Variants in ARHGEF26 observed in about 807,000 individuals in gnomAD.
ARHGEF26 encodes the protein Rho guanine nucleotide exchange factor 26.
In ARHGEF26, 59 loss-of-function variants were observed where a neutral mutation model predicts 89.4. The ratio of observed to expected loss-of-function variants is 0.66; its 90% CI spans 0.54 to 0.82. The LOEUF is 0.82. Among genes scored for constraint, ARHGEF26 ranks in the 40% least tolerant of loss-of-function variants. The probability of loss-of-function intolerance (pLI) is 0.00; values close to 1 mark genes in which losing one functional copy is unlikely to be tolerated. For missense variants in ARHGEF26, 1,234 were observed against 1,085.6 expected, an observed-to-expected ratio of 1.14 and a Z score of -1.92; for synonymous variants, 500 against 428.4, an observed-to-expected ratio of 1.17 and a Z score of -2.06.
rs951798161 is a variant in ARHGEF26 at position 154,129,451 on chromosome 3, A to G, written c.1124-123A>G. On this transcript the variant is annotated intron_variant, in intron 3 of 14. Transcript: ENST00000465093. ...TCTGTAATTATTCTTCAGGGACTAAATCTGTTTGTCTCTCTGTTTATAAAA... is the reference window on the plus strand; with the variant it reads ...TCTGTAATTATTCTTCAGGGACTAAGTCTGTTTGTCTCTCTGTTTATAAAA... 4.7e-5 allele frequency: 51 copies of G among 1,082,998 alleles called. No individual in the cohort carries two copies. In the Middle Eastern group the frequency reaches 1.7e-3, roughly 36 times the overall value. 67.1% of individuals were successfully genotyped at this position (1,082,998 alleles called of 1,614,324 possible).
intron 11 of ARHGEF26, among the ~76,000 whole-genome samples, chr3:154,235,791 A>G (rs1195049739): frequency 6.6e-6 from 1 of 152,152 alleles, no homozygotes; most frequent in East Asian, 1.9e-4. Context: ...CAGATTACCC[A>G]AAGTCCTTCC....
chr3:154,142,966 C>G (rs1029855989), intron 4 of ARHGEF26, among the ~76,000 whole-genome samples: 1 of 152,148 alleles, frequency 6.6e-6, no homozygotes, highest in African/African-American at 2.4e-5. Flanking sequence ...CTTTTATCTA[C>G]AGGTGGTCAT....
chr3:154,199,023 G>A (rs2108205189), intron 9 of ARHGEF26, among the ~76,000 whole-genome samples: 1 of 151,836 alleles, frequency 6.6e-6, no homozygotes, highest in African/African-American at 2.4e-5. Flanking sequence ...TGGAGAATGG[G>A]GTATCCATCC....
intron 4 of ARHGEF26, 108 bp from the exon 5 acceptor site, chr3:154,149,281 T>G: frequency 1.5e-6 from 1 of 679,642 alleles, no homozygotes; most frequent in Middle Eastern, 3.5e-4. Context: ...TTTTGTATAG[T>G]TTCTCCTAAT....
chr3:154,168,275 G>T (rs1463345470), intron 6 of ARHGEF26, among the ~76,000 whole-genome samples: 1 of 151,932 alleles, frequency 6.6e-6, no homozygotes, highest in African/African-American at 2.4e-5. Flanking sequence ...ATATATTTAC[G>T]TGGCTTAAAA....
Position 154,242,368 on chromosome 3 carries a change from C to T in ARHGEF26, c.2300+1789C>T, listed in dbSNP as rs371546072. 8.5e-5 allele frequency among the ~76,000 whole-genome samples: 13 copies of T among 152,240 alleles called. No individual in the cohort carries two copies. The South Asian group carries it at 1.7e-3, about 19-fold the overall frequency. On this transcript the variant is annotated intron_variant, in intron 12 of 14. Transcript: ENST00000465093. The stretch of plus-strand genomic sequence containing the variant: ...AGGAGTTGGGAAAAGTTGATTCCAA[C>T]TCTCATGGATGACTTTGAGGGGTTC...
chr3:154,227,908 A>T (rs1386320126), intron 11 of ARHGEF26, among the ~76,000 whole-genome samples: 1 of 152,198 alleles, frequency 6.6e-6, no homozygotes, highest in Non-Finnish European at 1.5e-5. Flanking sequence ...GAAAATATTA[A>T]AGGTATTTAA....
At chr3:154,141,370 A>T (rs983351532) in intron 4 of ARHGEF26, among the ~76,000 whole-genome samples, 2 of 152,310 alleles carry the variant, frequency 1.3e-5, no homozygotes, top group African/African-American at 4.8e-5. Flanking sequence ...TGGCTCAGCT[A>T]CTTTGCCCCC....
chr3:154,151,019 A>G (rs763355463), intron 5 of ARHGEF26, among the ~76,000 whole-genome samples: 6 of 152,116 alleles, frequency 3.9e-5, no homozygotes, highest in Non-Finnish European at 8.8e-5. Flanking sequence ...GCCCAGTTTG[A>G]GTATTTAGAT....
At position 154,122,487 on chromosome 3, in the gene ARHGEF26, G is replaced by C. The variant is rs1718025247; in HGVS notation, c.495G>C (p.Leu165Phe). The C allele has an allele frequency of 1.9e-6, 3 of 1,612,834 alleles. No homozygotes were observed. Among genetic ancestry groups the C allele is most frequent in the Non-Finnish European group, 2.5e-6 (3 of 1,179,734 alleles). The change falls in exon 2 of 15, where the codon TTG becomes TTC. Residue 165 changes from leucine (L) to phenylalanine (F), a missense_variant. Transcript: ENST00000465093. ...CCCCCGAGGAGGACCTTACTGGGTT[G>C]ACTGCCAGCCCGGTGCCTTCGCCCA... The part of the protein sequence containing the change: ...PCTPEEDLTG[L>F]TASPVPSPTA...
chr3:154,169,973 A>G (rs1712313923), intron 6 of ARHGEF26, among the ~76,000 whole-genome samples: 1 of 152,160 alleles, frequency 6.6e-6, no homozygotes, highest in Non-Finnish European at 1.5e-5. Flanking sequence ...GCAAAGCCAG[A>G]AGTAGTCAGC....
At chr3:154,243,820 A>G (rs1212076888) in intron 12 of ARHGEF26, among the ~76,000 whole-genome samples, 2 of 147,144 alleles carry the variant, frequency 1.4e-5, no homozygotes, top group Non-Finnish European at 3.0e-5. Flanking sequence ...ATTGGTGTTG[A>G]AAAAATATAT....
chr3:154,124,537 C>A, intron 3 of ARHGEF26, 88 bp downstream of exon 3: 1 of 1,182,756 alleles, frequency 8.5e-7, no homozygotes, highest in Non-Finnish European at 1.2e-6. Flanking sequence ...AACAAAAATG[C>A]TTACGATGAG....
intron 4 of ARHGEF26, among the ~76,000 whole-genome samples, chr3:154,135,322 C>T (rs149739184): frequency 1.2e-4 from 19 of 152,120 alleles, no homozygotes; most frequent in African/African-American, 4.3e-4. Context: ...TATGTGTTCA[C>T]GAATTTATCC....
chr3:154,136,882 G>T (rs568014915), intron 4 of ARHGEF26, among the ~76,000 whole-genome samples: 6 of 151,936 alleles, frequency 3.9e-5, no homozygotes, highest in East Asian at 1.9e-4. Context: ...ATCTTTTTTT[G>T]TGTGTGTATA....
chr3:154,194,572 T>C (rs1714165803), intron 8 of ARHGEF26, 72 bp from the exon 9 acceptor site: 2 of 1,103,100 alleles, frequency 1.8e-6, no homozygotes, highest in South Asian at 2.7e-5. Context: ...TAAAAGGATA[T>C]GGCTGGACAT....
chr3:154,180,039 C>T (rs760103431), intron 6 of ARHGEF26, among the ~76,000 whole-genome samples: 1 of 152,052 alleles, frequency 6.6e-6, no homozygotes, highest in African/African-American at 2.4e-5. Flanking sequence ...ACTTTTGTAT[C>T]GTGGCTTATG....
Position 154,237,538 on chromosome 3 carries a change from TCACACACA to T in ARHGEF26, c.2091-2804_2091-2797del, listed in dbSNP as rs71152796. Among the ~76,000 whole-genome samples, 473 of 143,298 alleles carry T rather than the reference TCACACACA, an allele frequency of 3.3e-3. 4 individuals are homozygous for T. Among genetic ancestry groups the T allele is most frequent in the African/African-American group, 0.011 (435 of 38,260 alleles). 94.0% of individuals were successfully genotyped at this position (143,298 alleles called of 152,430 possible). On this transcript the variant is annotated intron_variant, in intron 11 of 14. Coordinates refer to ENST00000465093, the MANE Select transcript of ARHGEF26 (RefSeq NM_015595.4). ...GCCTGGGTGACAGAGTGAGACTCCG[TCACACACA>T]CACACACACACACACACACACACAC...
chr3:154,163,227 A>T (rs973268635), intron 6 of ARHGEF26, among the ~76,000 whole-genome samples: 1 of 152,198 alleles, frequency 6.6e-6, no homozygotes, highest in Non-Finnish European at 1.5e-5. Flanking sequence ...GTTTATATCA[A>T]TGAGCCTTTG....
Sources: allele counts gnomAD v4.1 joint callset (sites outside exome capture counted in the v4.1 genomes callset), GRCh38; gene constraint gnomAD v4.1.1; transcripts MANE v1.5; gene names NCBI Gene and HGNC (gene_info 2026-07-23, HGNC 2026-07-21).